TAF4B: variants seen among roughly 807,000 people sequenced by gnomAD.
The protein encoded by TAF4B is TATA-box binding protein associated factor 4b.
A neutral mutation model predicts 86.4 loss-of-function variants in TAF4B; 38 were observed. The observed-to-expected ratio is 0.44, with a 90% CI of 0.34 to 0.58. The LOEUF is 0.58. Ranked by LOEUF, TAF4B falls within the 20% of genes least tolerant of loss-of-function variation. TAF4B has a pLI of 0.02. For synonymous variants in TAF4B, 388 were observed against 391.2 expected, an observed-to-expected ratio of 0.99 and a Z score of 0.10; for missense variants, 988 against 1,027.6, an observed-to-expected ratio of 0.96 and a Z score of 0.53.
chr18:26,384,417 T>C (rs1419378503), intron 14 of TAF4B, among the ~76,000 whole-genome samples: 3 of 152,186 alleles, frequency 2.0e-5, no homozygotes, highest in African/African-American at 7.2e-5. Flanking sequence ...ACTATTTAAT[T>C]TGAGGGGTGT....
intron 9 of TAF4B, among the ~76,000 whole-genome samples, chr18:26,303,279 CCTCCCTCCGCTTTCATA>C (rs2056759255): frequency 8.9e-6 from 1 of 112,554 alleles, no homozygotes; most frequent in African/African-American, 3.4e-5. Flanking sequence ...CCGCTTTCAT[CCTCCCTCCGCTTTCATA>C]CCCCCTCCAC....
rs542941433 is a variant in TAF4B at position 26,289,527 on chromosome 18, C to G, written c.1591-2719C>G. 5.3e-4 allele frequency among the ~76,000 whole-genome samples: 81 copies of G among 152,204 alleles called. 2 individuals carry two copies. Among genetic ancestry groups the G allele is most frequent in the African/African-American group, 1.8e-3 (75 of 41,534 alleles). Reference sequence around the variant, plus strand: ...TTTAGACAGTGTCTTACTTCTGTCACCCAGGTTAGAGTGCAGTGGCATGAA... The same window carrying G: ...TTTAGACAGTGTCTTACTTCTGTCAGCCAGGTTAGAGTGCAGTGGCATGAA... On this transcript the variant is annotated intron_variant, in intron 7 of 14. Transcript: ENST00000269142.
At chr18:26,364,983 G>A (rs1401858756) in intron 14 of TAF4B, among the ~76,000 whole-genome samples, 1 of 148,940 alleles carries the variant, frequency 6.7e-6, no homozygotes, top group Non-Finnish European at 1.5e-5. Context: ...AGGTTAAAGT[G>A]CTACTCTATA....
chr18:26,308,991 T>C (rs987160517), intron 9 of TAF4B, among the ~76,000 whole-genome samples: 14 of 151,962 alleles, frequency 9.2e-5, no homozygotes, highest in South Asian at 2.1e-4. Context: ...CCTAGTATAC[T>C]ATAGATCAGC....
At chr18:26,266,066 C>T (rs1362397219) in intron 2 of TAF4B, 1 of 152,196 alleles carries the variant, frequency 6.6e-6, no homozygotes, top group Admixed American at 6.6e-5. Context: ...TGAGCCACTG[C>T]ACTTGACCAG....
At chr18:26,280,610 T>A (rs1279130190) in intron 5 of TAF4B, among the ~76,000 whole-genome samples, 1 of 152,042 alleles carries the variant, frequency 6.6e-6, no homozygotes, top group Non-Finnish European at 1.5e-5. Context: ...GAGATACCAC[T>A]CATACTAGTC....
At chr18:26,275,427 A>T (rs1484273277) in intron 5 of TAF4B, among the ~76,000 whole-genome samples, 1 of 152,178 alleles carries the variant, frequency 6.6e-6, no homozygotes, top group African/African-American at 2.4e-5. Context: ...AAGCGTTGGG[A>T]TTACAGGCGT....
chr18:26,303,211 A>AC (rs2056757902), intron 9 of TAF4B, among the ~76,000 whole-genome samples: 1 of 63,638 alleles, frequency 1.6e-5, no homozygotes, highest in Non-Finnish European at 3.0e-5. Context: ...CCACTTTCAT[A>AC]CCCCCTCCAC....
rs538412051 is a variant in TAF4B, at chr18:26,360,638, G to A, written c.2421+2844G>A. Among the ~76,000 whole-genome samples the A allele has an allele frequency of 2.6e-5, 4 of 152,258 alleles. No homozygotes were observed. The South Asian group carries it at 8.3e-4, about 32-fold the overall frequency. ...GTACCGAACTTGAGTAAGAGTTGAC[G>A]TGTGTATTTAGCTTTAGTCCCTCAG... On this transcript the variant is annotated intron_variant, in intron 14 of 14. Coordinates refer to ENST00000269142, the MANE Select transcript of TAF4B (RefSeq NM_005640.3).
At chr18:26,283,030 G>T (rs564138460) in intron 6 of TAF4B, among the ~76,000 whole-genome samples, 3 of 152,186 alleles carry the variant, frequency 2.0e-5, no homozygotes, top group Non-Finnish European at 4.4e-5. Context: ...CATATCTGCA[G>T]TGACTTCTTC....
At chr18:26,372,593 C>G (rs2057413516) in intron 14 of TAF4B, among the ~76,000 whole-genome samples, 1 of 152,180 alleles carries the variant, frequency 6.6e-6, no homozygotes, top group African/African-American at 2.4e-5. Context: ...AAGTCTTATG[C>G]AAAGGACCTG....
intron 3 of TAF4B, among the ~76,000 whole-genome samples, chr18:26,271,652 G>A (rs973347936): frequency 2.0e-5 from 3 of 152,150 alleles, no homozygotes; most frequent in African/African-American, 7.2e-5. Flanking sequence ...GGCCAGGCAT[G>A]GTGAGTCACA....
intron 13 of TAF4B, 39 bp downstream of exon 13, chr18:26,335,270 A>G (rs756829307): frequency 3.1e-5 from 48 of 1,566,072 alleles, no homozygotes; most frequent in Non-Finnish European, 3.9e-5. Flanking sequence ...TTTGTGTTTG[A>G]GGGAAGGTTG....
intron 7 of TAF4B, 36 bp from the exon 8 acceptor site, chr18:26,292,210 G>A (rs193280682): frequency 1.9e-6 from 3 of 1,598,878 alleles, no homozygotes; most frequent in East Asian, 4.5e-5. Flanking sequence ...AAAGCCTTAA[G>A]TTGAACAACT....
chr18:26,286,019 A>G lies in TAF4B; in HGVS notation c.1110A>G (p.Thr370=), dbSNP rs1210837432. 1.2e-6 allele frequency: 2 copies of G among 1,614,210 alleles called. No individual in the cohort carries two copies. Among genetic ancestry groups the G allele is most frequent in the Non-Finnish European group, 1.7e-6 (2 of 1,180,030 alleles). ...TVTTSPVVTT[T]VSSSQSEKSI... ...CAACTTCTCCTGTGGTGACAACTAC[A>G]GTGTCCTCAAGCCAGTCTGAAAAGT... Residue 370 remains threonine, a synonymous_variant, in exon 7 of 15, where the codon ACA becomes ACG. Transcript: ENST00000269142.
intron 5 of TAF4B, among the ~76,000 whole-genome samples, chr18:26,280,214 A>G (rs2056431660): frequency 1.3e-5 from 2 of 152,202 alleles, no homozygotes; most frequent in African/African-American, 4.8e-5. Flanking sequence ...TAAAAGTCCT[A>G]GAAGAAAACC....
chr18:26,301,794 C>T (rs2056736470), intron 9 of TAF4B, among the ~76,000 whole-genome samples: 1 of 152,112 alleles, frequency 6.6e-6, no homozygotes, highest in African/African-American at 2.4e-5. Context: ...GTTCTGGCAG[C>T]CTTGGACTTC....
chr18:26,356,757 C>T (rs1283677197), intron 13 of TAF4B, among the ~76,000 whole-genome samples: 2 of 146,300 alleles, frequency 1.4e-5, no homozygotes, highest in South Asian at 2.2e-4. Flanking sequence ...AGGGATTTAT[C>T]TAGTGGTGTT....
At chr18:26,264,475 C>T (rs2056211721) in intron 1 of TAF4B, among the ~76,000 whole-genome samples, 1 of 152,096 alleles carries the variant, frequency 6.6e-6, no homozygotes, top group African/African-American at 2.4e-5. Context: ...CATTGGTTTA[C>T]AGAAATAACA....
Sources: allele counts gnomAD v4.1 joint callset (sites outside exome capture counted in the v4.1 genomes callset), GRCh38; gene constraint gnomAD v4.1.1; transcripts MANE v1.5; gene names NCBI Gene and HGNC (gene_info 2026-07-23, HGNC 2026-07-21).